HYDIN: variants seen among roughly 807,000 people sequenced by gnomAD.
HYDIN encodes the protein HYDIN axonemal central pair apparatus protein.
Under a neutral mutation model 403.9 loss-of-function variants are expected in HYDIN, and 132 were observed. That is an observed-to-expected ratio of 0.33 (90% CI 0.28 to 0.38). The LOEUF (loss-of-function observed/expected upper bound fraction) is 0.38. HYDIN is among the 10% of genes least tolerant of loss of function. The probability of loss-of-function intolerance (pLI) is 1.00; values close to 1 mark genes in which losing one functional copy is unlikely to be tolerated. For missense variants in HYDIN, 2,827 were observed against 5,009.5 expected, an observed-to-expected ratio of 0.56 and a Z score of 13.15; for synonymous variants, 1,202 against 1,891.7, an observed-to-expected ratio of 0.64 and a Z score of 9.46.
chr16:71,157,960 G>A lies in HYDIN; in HGVS notation c.716+4571C>T, dbSNP rs557734613. ...GACAGTGGCTAGAACCATGGAGGAG[G>A]TGCAGTGGTGGCTGGGGACTCTGCT... On this transcript the variant is annotated intron_variant, in intron 6 of 85. Coordinates refer to ENST00000393567, the MANE Select transcript of HYDIN (RefSeq NM_001270974.2). Among the ~76,000 whole-genome samples the A allele has an allele frequency of 1.3e-3, 185 of 147,074 alleles. 1 individual carries two copies. The highest frequency in any genetic ancestry group is 2.1e-3 in the Non-Finnish European group (142 of 66,708).
chr16:71,175,694 T>A lies in HYDIN; in HGVS notation c.429A>T (p.Lys143Asn). 1 of 1,614,206 alleles carries A rather than the reference T, an allele frequency of 6.2e-7. No individual in the cohort carries two copies. Among genetic ancestry groups the A allele is most frequent in the Non-Finnish European group, 8.5e-7 (1 of 1,180,006 alleles). ...KVVEESSPYF[K>N]VISPKDIGHK... is the part of the protein sequence containing the mutation. ...GGCCAATATCTTTGGGGCTGATTAC[T>A]TTAAAGTAAGGCGAACTTTCTTCCA... is the stretch of plus-strand genomic sequence containing the variant. The change falls in exon 5 of 86, where the codon AAA (lysine) becomes AAT (asparagine). Residue 143 changes from lysine (K) to asparagine (N), a missense_variant. Coordinates refer to ENST00000393567, the MANE Select transcript of HYDIN (RefSeq NM_001270974.2).
At chr16:70,945,491 C>T (rs1340245817) in intron 41 of HYDIN, among the ~76,000 whole-genome samples, 1 of 152,102 alleles carries the variant, frequency 6.6e-6, no homozygotes, top group Non-Finnish European at 1.5e-5. Context: ...AATAGAATTT[C>T]GAGAGTCATA....
At chr16:71,183,839 G>C (rs2087012337) in intron 3 of HYDIN, among the ~76,000 whole-genome samples, 1 of 152,062 alleles carries the variant, frequency 6.6e-6, no homozygotes, top group Non-Finnish European at 1.5e-5. Context: ...GAGGAGAGGA[G>C]AGAAAGTGTA....
chr16:70,967,521 G>T (rs775858061), intron 36 of HYDIN, among the ~76,000 whole-genome samples: 1 of 150,392 alleles, frequency 6.6e-6, no homozygotes, highest in African/African-American at 2.5e-5. Context: ...TCGCTCTGTC[G>T]CCCAGGCTGG....
intron 5 of HYDIN, among the ~76,000 whole-genome samples, chr16:71,163,358 C>T (rs2086092947): frequency 1.3e-5 from 2 of 152,078 alleles, no homozygotes; most frequent in South Asian, 4.1e-4. Flanking sequence ...ATCCTGACCT[C>T]GTGATCCGCC....
chr16:70,843,073 G>C (rs2037943196), intron 75 of HYDIN, among the ~76,000 whole-genome samples: 1 of 149,490 alleles, frequency 6.7e-6, no homozygotes, highest in Admixed American at 6.7e-5. Context: ...TTATGTTTTA[G>C]GGTACATGTG....
intron 1 of HYDIN, among the ~76,000 whole-genome samples, chr16:71,203,134 G>C (rs963421841): frequency 7.2e-5 from 11 of 152,154 alleles, no homozygotes; most frequent in African/African-American, 2.4e-4. Context: ...GCAGAGATGT[G>C]AGCAGGGTGG....
At chr16:71,037,715 C>T (rs370484796) in intron 18 of HYDIN, among the ~76,000 whole-genome samples, 1 of 152,200 alleles carries the variant, frequency 6.6e-6, no homozygotes, top group Non-Finnish European at 1.5e-5. Context: ...AACTGAGGGA[C>T]TCTGTCATTC....
chr16:71,060,639 GCT>G lies in HYDIN; in HGVS notation c.2392_2393del (p.Ser798ArgfsTer55). 1 of 623,676 alleles carries G rather than the reference GCT, an allele frequency of 1.6e-6. No homozygotes were observed. Among genetic ancestry groups the G allele is most frequent in the Non-Finnish European group, 2.8e-6 (1 of 359,976 alleles). 38.6% of individuals were successfully genotyped at this position (623,676 alleles called of 1,614,324 possible). A position where few individuals can be genotyped will look rare whatever the true frequency, so the allele number is the denominator to read the frequency against. On this transcript the variant is annotated frameshift_variant, in exon 18 of 86. Transcript: ENST00000393567. LOFTEE classifies it high-confidence loss of function. ...QDPPLVCHLK[S>X]AGEGPVIYVH... ...CGTAGATAACTGGGCCTTCTCCAGC[GCT>G]CTTTAAGTGACATACCTGAGTTCCG...
At chr16:71,083,793 T>A (rs2082854582) in intron 12 of HYDIN, among the ~76,000 whole-genome samples, 1 of 149,170 alleles carries the variant, frequency 6.7e-6, no homozygotes, top group African/African-American at 2.5e-5. Flanking sequence ...GTCACCCTTT[T>A]GTCCAGTGTA....
At position 71,130,749 on chromosome 16, in the gene HYDIN, A is replaced by G. The variant is rs188937963; in HGVS notation, c.1044-926T>C. 3.0e-3 allele frequency among the ~76,000 whole-genome samples: 461 copies of G among 151,930 alleles called. 2 individuals carry two copies. Among genetic ancestry groups the G allele is most frequent in the African/African-American group, 0.01 (434 of 41,440 alleles). ...ATGATCCACCCGCCTCGGCCTCCCA[A>G]AGTGCTGGGATTACAGGCGTGAGCC... On this transcript the variant is annotated intron_variant, in intron 8 of 85. Coordinates refer to ENST00000393567, the MANE Select transcript of HYDIN (RefSeq NM_001270974.2).
intron 1 of HYDIN, among the ~76,000 whole-genome samples, chr16:71,220,801 A>C (rs925230577): frequency 3.9e-5 from 6 of 152,232 alleles, no homozygotes; most frequent in Non-Finnish European, 8.8e-5. Context: ...TGACTGTGCT[A>C]AAAATTAAGA....
At position 71,185,062 on chromosome 16, in the gene HYDIN, G is replaced by C. The variant is rs376801223; in HGVS notation, c.136-72C>G. 7 of 1,053,760 alleles carry C rather than the reference G, an allele frequency of 6.6e-6. No individual in the cohort carries two copies. The Admixed American group carries it at 9.9e-5, about 15-fold the overall frequency. The allele number at this position is 1,053,760 out of a possible 1,614,324, so 65.3% of individuals were successfully genotyped here. ...TGAAAAAGTGTTTTCATAAGTACCA[G>C]TAATGAATAATTTGTGTTTGCAGCT... is the stretch of plus-strand genomic sequence containing the variant. On this transcript the variant is annotated intron_variant, in intron 2 of 85. Transcript: ENST00000393567.
intron 78 of HYDIN, among the ~76,000 whole-genome samples, chr16:70,835,027 T>G (rs866186630): frequency 8.9e-6 from 1 of 112,566 alleles, no homozygotes; most frequent in Non-Finnish European, 1.9e-5. Context: ...TATATATATG[T>G]TTTTTTTTTT....
chr16:71,192,237 C>A (rs1401660606), intron 1 of HYDIN, among the ~76,000 whole-genome samples: 1 of 152,084 alleles, frequency 6.6e-6, no homozygotes, highest in Middle Eastern at 3.2e-3. Context: ...ACAAATTCAC[C>A]ACTCTTTTCC....
intron 1 of HYDIN, among the ~76,000 whole-genome samples, chr16:71,194,582 A>G (rs978783950): frequency 6.6e-6 from 1 of 152,238 alleles, no homozygotes; most frequent in African/African-American, 2.4e-5. Flanking sequence ...ATAACAATAA[A>G]AAGAGTGAGC....
At chr16:71,211,217 G>T (rs568687165) in intron 1 of HYDIN, among the ~76,000 whole-genome samples, 7 of 152,230 alleles carry the variant, frequency 4.6e-5, no homozygotes, top group Admixed American at 1.3e-4. Flanking sequence ...CCAAAAAGTT[G>T]AGGTAAATTC....
chr16:70,909,698 T>C (rs971751835), intron 47 of HYDIN, among the ~76,000 whole-genome samples: 6 of 139,156 alleles, frequency 4.3e-5, no homozygotes, highest in African/African-American at 1.3e-4. Context: ...CTTTTTTTTT[T>C]TTTTTTTTTT....
At chr16:71,197,792 G>A (rs982267816) in intron 1 of HYDIN, among the ~76,000 whole-genome samples, 1 of 152,088 alleles carries the variant, frequency 6.6e-6, no homozygotes, top group Non-Finnish European at 1.5e-5. Flanking sequence ...TACCCACCCC[G>A]GCTGGAGTGC....
Sources: allele counts gnomAD v4.1 joint callset (sites outside exome capture counted in the v4.1 genomes callset), GRCh38; gene constraint gnomAD v4.1.1; transcripts MANE v1.5; gene names NCBI Gene and HGNC (gene_info 2026-07-23, HGNC 2026-07-21).